DISP1: variants seen among roughly 807,000 people sequenced by gnomAD.
DISP1 encodes dispatched RND transporter family member 1.
Under a neutral mutation model 37.3 loss-of-function variants are expected in DISP1, and 30 were observed. The ratio of observed to expected loss-of-function variants is 0.80; its 90% CI spans 0.60 to 1.09. The LOEUF is 1.09. DISP1 is among the 50% of genes least tolerant of loss of function. The pLI, the probability that DISP1 is intolerant of heterozygous loss-of-function variation, is 0.00. For missense variants in DISP1, 1,598 were observed against 1,879.5 expected (o/e 0.85, Z 2.77); for synonymous variants, 634 against 690.2 (o/e 0.92, Z 1.28).
intron 1 of DISP1, among the ~76,000 whole-genome samples, chr1:222,922,727 A>T (rs540255187): frequency 7.2e-5 from 11 of 152,170 alleles, no homozygotes; most frequent in Non-Finnish European, 1.5e-4. Flanking sequence ...TTATAATAGA[A>T]ATTGGAGTGT....
chr1:222,858,680 A>G (rs2125322511), intron 1 of DISP1, among the ~76,000 whole-genome samples: 1 of 151,710 alleles, frequency 6.6e-6, no homozygotes, highest in East Asian at 1.9e-4. Context: ...GGACATGAAC[A>G]GACACTTCTC....
intron 3 of DISP1, among the ~76,000 whole-genome samples, chr1:222,974,908 T>C (rs1282486889): frequency 1.3e-5 from 2 of 152,160 alleles, no homozygotes; most frequent in South Asian, 2.1e-4. Flanking sequence ...TTTTCAAATA[T>C]TTTCTTCCTA....
chr1:222,940,815 C>T (rs1279001847), intron 2 of DISP1, among the ~76,000 whole-genome samples: 3 of 152,138 alleles, frequency 2.0e-5, no homozygotes, highest in African/African-American at 7.2e-5. Context: ...TGGAGAAAAG[C>T]GTGTGCCTGC....
rs922607194 is a variant in DISP1 at position 222,863,091 on chromosome 1, G to A, written c.-159+48013G>A. Among the ~76,000 whole-genome samples, 8 of 152,284 alleles carry A rather than the reference G, an allele frequency of 5.3e-5. No homozygotes were observed. In the East Asian group the frequency reaches 1.5e-3, roughly 29 times the overall value. On this transcript the variant is annotated intron_variant, in intron 1 of 8. Transcript: ENST00000675850. Reference sequence around the variant, plus strand: ...TTGGCTGGAAAACCACAGAAGAGATGCTGTGCTGTTCTCAGTACATCATAT... The same window carrying A: ...TTGGCTGGAAAACCACAGAAGAGATACTGTGCTGTTCTCAGTACATCATAT...
At chr1:222,825,611 G>A (rs909837830) in intron 1 of DISP1, among the ~76,000 whole-genome samples, 3 of 148,682 alleles carry the variant, frequency 2.0e-5, no homozygotes, top group Non-Finnish European at 3.0e-5. Context: ...AGTGATTCTC[G>A]TGCCTCAGCC....
intron 3 of DISP1, among the ~76,000 whole-genome samples, chr1:222,949,259 T>A (rs1675034681): frequency 6.6e-6 from 1 of 152,058 alleles, no homozygotes; most frequent in African/African-American, 2.4e-5. Context: ...CCTGGTGTGG[T>A]GGTGCGCACC....
intron 1 of DISP1, among the ~76,000 whole-genome samples, chr1:222,915,251 T>C (rs1672431799): frequency 6.6e-6 from 1 of 152,232 alleles, no homozygotes; most frequent in Non-Finnish European, 1.5e-5. Flanking sequence ...TTTTAGAGAT[T>C]TATGACAATT....
At chr1:222,858,953 T>C (rs991429668) in intron 1 of DISP1, among the ~76,000 whole-genome samples, 9 of 152,092 alleles carry the variant, frequency 5.9e-5, no homozygotes, top group African/African-American at 1.7e-4. Context: ...AACCAAAATA[T>C]CATTTGACCC....
chr1:222,944,101 A>G lies in DISP1; in HGVS notation c.509+769A>G, dbSNP rs1470955695. Among the ~76,000 whole-genome samples the G allele has an allele frequency of 9.2e-5, 14 of 152,192 alleles. 1 individual carries two copies. The highest frequency in any genetic ancestry group is 8.5e-4 in the Admixed American group (13 of 15,276). On this transcript the variant is annotated intron_variant, in intron 3 of 8. Coordinates refer to ENST00000675850, the MANE Select transcript of DISP1 (RefSeq NM_001377229.1). ...CTCATGCTGCCTTATGGCTGTACTC[A>G]ACATTTCTATTCCTGTGTTTTGGTG...
Position 223,005,619 on chromosome 1 carries a change from G to C in DISP1, c.4222G>C (p.Asp1408His). 6.2e-7 allele frequency: 1 copy of C among 1,611,686 alleles called. No homozygotes were observed. The change falls in exon 9 of 9, where the codon GAC (aspartate) becomes CAC (histidine). Residue 1408 changes from aspartate to histidine, a missense_variant. Transcript: ENST00000675850. ...STGSLLKTCCDPENKQRELCK... is the reference protein window; with the variant it reads ...STGSLLKTCCHPENKQRELCK... ...TGGATCGTTACTCAAAACGTGTTGC[G>C]ACCCCGAGAATAAACAAAGGGAACT...
chr1:222,881,272 C>T (rs1040049789), intron 1 of DISP1, among the ~76,000 whole-genome samples: 4 of 151,998 alleles, frequency 2.6e-5, no homozygotes, highest in Non-Finnish European at 5.9e-5. Flanking sequence ...CTCGGCTCAC[C>T]GCAACCTCCG....
chr1:222,972,595 A>G lies in DISP1; in HGVS notation c.510-10485A>G, dbSNP rs530891571. ...TCACTGACTTTGCTTATAGGTATTG[A>G]CACAAGGTTTGTTTCCTTTCCTTTT... On this transcript the variant is annotated intron_variant, in intron 3 of 8. Transcript: ENST00000675850. 1.4e-3 allele frequency among the ~76,000 whole-genome samples: 212 copies of G among 152,222 alleles called. 1 individual carries two copies. Among genetic ancestry groups the G allele is most frequent in the Admixed American group, 2.9e-3 (45 of 15,276 alleles).
intron 1 of DISP1, among the ~76,000 whole-genome samples, chr1:222,858,564 T>A (rs1018263845): frequency 6.6e-5 from 10 of 151,782 alleles, no homozygotes; most frequent in African/African-American, 2.2e-4. Flanking sequence ...TGGGAAAAAA[T>A]TTTTGCACTC....
At chr1:222,961,622 A>G (rs1011597187) in intron 3 of DISP1, among the ~76,000 whole-genome samples, 11 of 152,240 alleles carry the variant, frequency 7.2e-5, no homozygotes, top group African/African-American at 2.7e-4. Context: ...GGCCAGGACA[A>G]GCAGGCAAGA....
At chr1:222,823,217 AT>A (rs1361313636) in intron 1 of DISP1, among the ~76,000 whole-genome samples, 2 of 152,210 alleles carry the variant, frequency 1.3e-5, no homozygotes, top group African/African-American at 4.8e-5. Flanking sequence ...TATCAGAAAG[AT>A]ACCTGAACTC....
chr1:222,893,213 T>C lies in DISP1; in HGVS notation c.-158-35217T>C, dbSNP rs970350277. Among the ~76,000 whole-genome samples, 75 of 152,236 alleles carry C rather than the reference T, an allele frequency of 4.9e-4. No individual in the cohort carries two copies. Among genetic ancestry groups the C allele is most frequent in the African/African-American group, 1.8e-3 (73 of 41,474 alleles). On this transcript the variant is annotated intron_variant, in intron 1 of 8. Coordinates refer to ENST00000675850, the MANE Select transcript of DISP1 (RefSeq NM_001377229.1). This position sits in a 1 kb window ranked among gnomAD's most constrained non-coding sequence, Gnocchi z 4.3. ...AAATCTTTTGTGTTAAGAAAACTAC[T>C]AAAACTTTAGTGGTTTTCTATTAAA...
At chr1:222,932,566 T>A (rs1251789083) in intron 2 of DISP1, among the ~76,000 whole-genome samples, 1 of 152,032 alleles carries the variant, frequency 6.6e-6, no homozygotes, top group East Asian at 1.9e-4. Flanking sequence ...TAGTTTTATT[T>A]TGTATATTTT....
At chr1:222,877,089 T>C (rs1670012476) in intron 1 of DISP1, among the ~76,000 whole-genome samples, 2 of 152,222 alleles carry the variant, frequency 1.3e-5, no homozygotes, top group African/African-American at 4.8e-5. Flanking sequence ...TTCGTGATTC[T>C]GGCTTTGGGA....
intron 2 of DISP1, among the ~76,000 whole-genome samples, chr1:222,933,922 A>G (rs966398227): frequency 5.3e-5 from 8 of 152,040 alleles, no homozygotes; most frequent in Admixed American, 3.9e-4. Flanking sequence ...TAAATAGTCA[A>G]TATACTATAT....
Sources: allele counts gnomAD v4.1 joint callset (sites outside exome capture counted in the v4.1 genomes callset), GRCh38; gene constraint gnomAD v4.1.1; non-coding constraint Gnocchi (gnomAD v3.1); transcripts MANE v1.5; gene names NCBI Gene and HGNC (gene_info 2026-07-23, HGNC 2026-07-21).